FRYL: variants seen among roughly 807,000 people sequenced by gnomAD.
FRYL encodes FRY like transcription coactivator.
A neutral mutation model predicts 351.2 loss-of-function variants in FRYL; 150 were observed. That is an observed-to-expected ratio of 0.43 (90% CI 0.37 to 0.49). The LOEUF (loss-of-function observed/expected upper bound fraction) is 0.49. Ranked by LOEUF, FRYL falls within the 20% of genes least tolerant of loss-of-function variation. FRYL has a pLI of 0.00. For missense variants in FRYL, 3,036 were observed against 3,619.3 expected, an observed-to-expected ratio of 0.84 and a Z score of 4.13; for synonymous variants, 1,153 against 1,257.1, an observed-to-expected ratio of 0.92 and a Z score of 1.75.
rs544935208 is a variant in FRYL, at chr4:48,579,030, T to C, written c.2471A>G (p.Tyr824Cys). 5.0e-6 allele frequency: 8 copies of C among 1,613,942 alleles called. No individual in the cohort carries two copies. The African/African-American group carries it at 5.3e-5, about 11-fold the overall frequency. The change falls in exon 23 of 64, where the codon TAT (tyrosine) becomes TGT (cysteine). Residue 824 changes from tyrosine (Y) to cysteine (C), a missense_variant. By Grantham distance (194) the Tyr-to-Cys change is radical (BLOSUM62 -2). Coordinates refer to ENST00000358350, the MANE Select transcript of FRYL (RefSeq NM_015030.2). ...LPKHCSTAVS[Y>C]AWMFAYTRLQ... ...TCTTGTGTATGCAAACATCCAAGCA[T>C]AGCTCACAGCTGTAGAGCAGTGTTT...
intron 1 of FRYL, among the ~76,000 whole-genome samples, chr4:48,766,177 C>A (rs1774921579): frequency 6.6e-6 from 1 of 152,180 alleles, no homozygotes; most frequent in Non-Finnish European, 1.5e-5. Flanking sequence ...GATATCTGTA[C>A]TCCCACGTTC....
chr4:48,617,723 AG>A, intron 7 of FRYL: 1 of 152,358 alleles, frequency 6.6e-6, no homozygotes, highest in Non-Finnish European at 1.5e-5. Flanking sequence ...ATGCCTCCAC[AG>A]GGTTGCCTGT....
chr4:48,712,703 A>T (rs1463213864), intron 1 of FRYL, among the ~76,000 whole-genome samples: 1 of 152,228 alleles, frequency 6.6e-6, no homozygotes, highest in Non-Finnish European at 1.5e-5. Context: ...ATTCAGATTC[A>T]GGAAATGCAG....
At chr4:48,535,974 C>A in intron 47 of FRYL, 147 bp from the exon 48 acceptor site, 5 of 594,424 alleles carry the variant, frequency 8.4e-6, no homozygotes, top group African/African-American at 1.9e-5. Flanking sequence ...AAAAGTGAAA[C>A]GAGAAAAAAA....
intron 1 of FRYL, among the ~76,000 whole-genome samples, chr4:48,717,155 A>G (rs917193007): frequency 4.0e-5 from 6 of 150,074 alleles, no homozygotes; most frequent in Admixed American, 1.3e-4. Flanking sequence ...ATAGCACTGG[A>G]AGATATACCT....
intron 4 of FRYL, among the ~76,000 whole-genome samples, chr4:48,625,666 G>A (rs917585696): frequency 2.6e-5 from 4 of 152,100 alleles, no homozygotes; most frequent in Non-Finnish European, 5.9e-5. Context: ...TGTTATATAA[G>A]GGACTTGACC....
At chr4:48,692,142 C>T (rs1765731258) in intron 2 of FRYL, among the ~76,000 whole-genome samples, 1 of 152,134 alleles carries the variant, frequency 6.6e-6, no homozygotes, top group African/African-American at 2.4e-5. Flanking sequence ...AGGGAGGCAA[C>T]AGATTGTATT....
rs374496238 is a variant in FRYL at position 48,694,455 on chromosome 4, C to T, written c.-203-9660G>A. ...GGGATTACAGGCATGTGCCACTGCG[C>T]CCAGCTACGTTTTGTATTTTTAGGA... On this transcript the variant is annotated intron_variant, in intron 2 of 63. Transcript: ENST00000358350. 1.4e-3 allele frequency among the ~76,000 whole-genome samples: 215 copies of T among 152,030 alleles called. 1 individual carries two copies. Among genetic ancestry groups the T allele is most frequent in the African/African-American group, 4.6e-3 (191 of 41,478 alleles).
At chr4:48,709,860 A>G (rs1191004482) in intron 2 of FRYL, among the ~76,000 whole-genome samples, 4 of 152,180 alleles carry the variant, frequency 2.6e-5, no homozygotes, top group Admixed American at 6.5e-5. Context: ...TTACTTCTCT[A>G]TTATGCTAAA....
At chr4:48,554,673 C>A (rs1168685383) in intron 35 of FRYL, among the ~76,000 whole-genome samples, 1 of 152,188 alleles carries the variant, frequency 6.6e-6, no homozygotes, top group Admixed American at 6.5e-5. Flanking sequence ...TGATAACCTT[C>A]TAGGTATGGC....
Position 48,553,195 on chromosome 4 carries a change from G to A in FRYL, c.4435+20C>T, listed in dbSNP as rs766069445. The A allele has an allele frequency of 9.1e-5, 146 of 1,598,098 alleles. 1 individual carries two copies. The highest frequency in any genetic ancestry group is 2.0e-4 in the East Asian group (9 of 44,690). ...ATGTCTATCATCTCACACAGCAATC[G>A]GTTTTAACAAATTTCTCACCTGAGG... On this transcript the variant is annotated intron_variant, in intron 36 of 63. Transcript: ENST00000358350.
chr4:48,703,264 C>A (rs1281773128), intron 2 of FRYL, among the ~76,000 whole-genome samples: 1 of 151,942 alleles, frequency 6.6e-6, no homozygotes, highest in East Asian at 1.9e-4. Flanking sequence ...AAAATCTATC[C>A]CAGTAGTCAA....
At chr4:48,714,766 A>C (rs1224428861) in intron 1 of FRYL, among the ~76,000 whole-genome samples, 8 of 151,324 alleles carry the variant, frequency 5.3e-5, no homozygotes, top group Non-Finnish European at 7.4e-5. Flanking sequence ...TCCCTAACTC[A>C]TTTTATGAGA....
chr4:48,662,765 G>GAAAAAAAAAAAAAAAA (rs57746767), intron 3 of FRYL, among the ~76,000 whole-genome samples: 3 of 131,618 alleles, frequency 2.3e-5, no homozygotes, highest in South Asian at 2.4e-4. Flanking sequence ...ATCTCCTGAA[G>GAAAAAAAAAAAAAAAA]AAAAAAAAAA....
chr4:48,730,277 G>T (rs1385850555), intron 1 of FRYL, among the ~76,000 whole-genome samples: 1 of 152,202 alleles, frequency 6.6e-6, no homozygotes, highest in Non-Finnish European at 1.5e-5. Context: ...ATCTGAAAGT[G>T]ATGGGGAGAA....
At position 48,516,295 on chromosome 4, in the gene FRYL, G is replaced by A. The variant is rs1577895810; in HGVS notation, c.7690-1020C>T. On this transcript the variant is annotated intron_variant, in intron 55 of 63. Coordinates refer to ENST00000358350, the MANE Select transcript of FRYL (RefSeq NM_015030.2). ...GTGTGCCCTTTCTATCCACCGTAAT[G>A]TTACTGAAACAATGTTGCTATGTGA... Among the ~76,000 whole-genome samples, 12 of 152,250 alleles carry A rather than the reference G, an allele frequency of 7.9e-5. No homozygotes were observed. The South Asian group carries it at 2.5e-3, about 32-fold the overall frequency.
intron 1 of FRYL, among the ~76,000 whole-genome samples, chr4:48,761,003 C>CTGTGTGTGTGTG (rs202244146): frequency 1.1e-4 from 13 of 121,684 alleles, no homozygotes; most frequent in East Asian, 7.1e-4. Context: ...TATTATTACT[C>CTGTGTGTGTGTG]TGTCTGTGTG....
chr4:48,714,113 T>C (rs935288145), intron 1 of FRYL, among the ~76,000 whole-genome samples: 2 of 152,114 alleles, frequency 1.3e-5, no homozygotes, highest in Non-Finnish European at 2.9e-5. Flanking sequence ...CTGGGACACA[T>C]TTAAAGCAGT....
chr4:48,660,643 G>A (rs1362899089), intron 3 of FRYL, among the ~76,000 whole-genome samples: 1 of 152,132 alleles, frequency 6.6e-6, no homozygotes, highest in East Asian at 1.9e-4. Flanking sequence ...AGGAAGAAAT[G>A]GGTAATTTCA....
Sources: allele counts gnomAD v4.1 joint callset (sites outside exome capture counted in the v4.1 genomes callset), GRCh38; gene constraint gnomAD v4.1.1; transcripts MANE v1.5; gene names NCBI Gene and HGNC (gene_info 2026-07-23, HGNC 2026-07-21).